Variants in CNPY1 observed in about 807,000 individuals in gnomAD.
The protein encoded by CNPY1 is protein canopy homolog 1.
In CNPY1, 14 loss-of-function variants were observed where a neutral mutation model predicts 14.4. The ratio of observed to expected loss-of-function variants is 0.97; its 90% confidence interval spans 0.64 to 1.52. The LOEUF (loss-of-function observed/expected upper bound fraction) is 1.52, where lower values mean the gene tolerates loss of function less well. Ranked by LOEUF, CNPY1 falls within the 40% of genes most tolerant of loss-of-function variation. CNPY1 has a pLI of 0.00. For missense variants in CNPY1, 129 were observed against 131.5 expected (o/e 0.98, Z 0.09); for synonymous variants, 43 against 46.5 (o/e 0.92, Z 0.31).
At chr7:155,533,047 T>C (rs565982668) in intron 2 of CNPY1, among the ~76,000 whole-genome samples, 47 of 152,348 alleles carry the variant, frequency 3.1e-4, no homozygotes, top group African/African-American at 1.0e-3. Flanking sequence ...CCACTCAACG[T>C]CCTTCTAACA....
chr7:155,542,770 G>A (rs1040924407), intron 2 of CNPY1, among the ~76,000 whole-genome samples: 1 of 152,206 alleles, frequency 6.6e-6, no homozygotes, highest in African/African-American at 2.4e-5. Context: ...GCCCGCCTGC[G>A]GCCACAGCCC....
chr7:155,529,588 T>C (rs1207998062), intron 2 of CNPY1, among the ~76,000 whole-genome samples: 1 of 152,116 alleles, frequency 6.6e-6, no homozygotes, highest in African/African-American at 2.4e-5. Flanking sequence ...ACTGCCCCTC[T>C]GCCTCCCAGG....
At chr7:155,529,248 T>C (rs1477019093) in intron 2 of CNPY1, among the ~76,000 whole-genome samples, 1 of 152,202 alleles carries the variant, frequency 6.6e-6, no homozygotes, top group African/African-American at 2.4e-5. Flanking sequence ...CTACGTGAAA[T>C]CTTGATCCAC....
At chr7:155,541,671 G>A (rs1279635247) in intron 2 of CNPY1, among the ~76,000 whole-genome samples, 1 of 152,180 alleles carries the variant, frequency 6.6e-6, no homozygotes, top group Non-Finnish European at 1.5e-5. Flanking sequence ...ACTGTCCATG[G>A]GTCTTGCTCT....
chr7:155,503,729 G>A (rs1796200307), intron 4 of CNPY1, among the ~76,000 whole-genome samples: 1 of 152,200 alleles, frequency 6.6e-6, no homozygotes, highest in African/African-American at 2.4e-5. Context: ...TTCATACGCT[G>A]CATTTGAAAT....
chr7:155,505,542 C>T (rs751027696), intron 4 of CNPY1, among the ~76,000 whole-genome samples: 58 of 152,142 alleles, frequency 3.8e-4, no homozygotes, highest in Non-Finnish European at 7.9e-4. Flanking sequence ...AGCAGTCTTT[C>T]CCCAGGATCT....
intron 2 of CNPY1, among the ~76,000 whole-genome samples, chr7:155,541,458 A>G (rs1469901969): frequency 6.6e-6 from 1 of 152,226 alleles, no homozygotes; most frequent in Non-Finnish European, 1.5e-5. Context: ...AGTTGATAAC[A>G]TTGAAGACTT....
rs544919036 is a variant in CNPY1 at position 155,545,984 on chromosome 7, G to A, written c.-14-41C>T. 86 of 398,578 alleles carry A rather than the reference G, an allele frequency of 2.2e-4. 3 individuals carry two copies. In the South Asian group the frequency reaches 8.9e-3, roughly 41 times the overall value. 24.7% of individuals were successfully genotyped at this position (398,578 alleles called of 1,614,324 possible). On this transcript the variant is annotated intron_variant, in intron 1 of 4. Transcript: ENST00000636446. ...AACAGCTGTGATCAGAGGAGGAGGCGAGCCAGAGCCGGGCCTGTGGAGTGG... is the reference window on the plus strand; with the variant it reads ...AACAGCTGTGATCAGAGGAGGAGGCAAGCCAGAGCCGGGCCTGTGGAGTGG...
intron 2 of CNPY1, among the ~76,000 whole-genome samples, chr7:155,540,254 C>T (rs935114077): frequency 3.3e-5 from 5 of 152,198 alleles, no homozygotes; most frequent in Admixed American, 2.0e-4. Context: ...GAGACAGCTT[C>T]GAAGGACTTC....
chr7:155,523,420 C>T (rs570908812), intron 2 of CNPY1, among the ~76,000 whole-genome samples: 11 of 152,322 alleles, frequency 7.2e-5, no homozygotes, highest in Admixed American at 3.9e-4. Flanking sequence ...TTTCCCGTAA[C>T]ATCTTCATTA....
chr7:155,518,824 G>T (rs1206327541), intron 2 of CNPY1, among the ~76,000 whole-genome samples: 1 of 152,198 alleles, frequency 6.6e-6, no homozygotes, highest in Admixed American at 6.5e-5. Context: ...AGTACTCAGG[G>T]ACGGGCAGCC....
intron 4 of CNPY1, among the ~76,000 whole-genome samples, chr7:155,503,536 C>G (rs1425646080): frequency 6.6e-6 from 1 of 152,048 alleles, no homozygotes; most frequent in East Asian, 1.9e-4. Flanking sequence ...AATGCAAACT[C>G]TATCGAAAAA....
At chr7:155,535,616 C>T (rs898650771) in intron 2 of CNPY1, among the ~76,000 whole-genome samples, 1 of 152,230 alleles carries the variant, frequency 6.6e-6, no homozygotes, top group Non-Finnish European at 1.5e-5. Flanking sequence ...AAAACCCCTT[C>T]TCCCTTCCTT....
chr7:155,512,076 C>T (rs1008758772), intron 2 of CNPY1, among the ~76,000 whole-genome samples: 2 of 152,066 alleles, frequency 1.3e-5, no homozygotes, highest in African/African-American at 4.8e-5. Flanking sequence ...TCTTTCTATA[C>T]TGTGAAGATT....
At chr7:155,518,191 C>T (rs1409969215) in intron 2 of CNPY1, among the ~76,000 whole-genome samples, 9 of 151,948 alleles carry the variant, frequency 5.9e-5, no homozygotes, top group Non-Finnish European at 1.3e-4. Flanking sequence ...CTTGGGCCAG[C>T]AGCATGGCTT....
At chr7:155,509,678 C>G (rs960615147) in intron 2 of CNPY1, among the ~76,000 whole-genome samples, 1 of 152,200 alleles carries the variant, frequency 6.6e-6, no homozygotes. Context: ...GCGCGATGGC[C>G]CGGGCTGGGG....
At chr7:155,545,188 A>G (rs1197998958) in intron 2 of CNPY1, among the ~76,000 whole-genome samples, 1 of 152,218 alleles carries the variant, frequency 6.6e-6, no homozygotes, top group Non-Finnish European at 1.5e-5. Context: ...CTTTCTAATA[A>G]TATTTCTCTT....
chr7:155,537,304 A>G (rs1011832105), intron 2 of CNPY1, among the ~76,000 whole-genome samples: 10 of 152,168 alleles, frequency 6.6e-5, no homozygotes, highest in Non-Finnish European at 1.3e-4. Context: ...GCATGGAGCA[A>G]AAATAGAGGA....
chr7:155,506,776 T>C (rs1049527898), intron 4 of CNPY1: 1 of 435,042 alleles, frequency 2.3e-6, no homozygotes, highest in African/African-American at 2.1e-5. Flanking sequence ...TCAAGAATGT[T>C]TGAATTCACT....
Sources: allele counts gnomAD v4.1 joint callset (sites outside exome capture counted in the v4.1 genomes callset), GRCh38; gene constraint gnomAD v4.1.1; transcripts MANE v1.5; gene names NCBI Gene and HGNC (gene_info 2026-07-23, HGNC 2026-07-21).